The following DNER variants were observed in gnomAD, a reference collection of about 807,000 sequenced individuals.
DNER encodes delta and Notch-like epidermal growth factor-related receptor.
In DNER, 33 loss-of-function variants were observed where a neutral mutation model predicts 78.2. That is an observed-to-expected ratio of 0.42 (90% CI 0.32 to 0.56). The LOEUF is 0.56. Ranked by LOEUF, DNER falls within the 20% of genes least tolerant of loss-of-function variation. The probability of loss-of-function intolerance (pLI) is 0.11; values close to 1 mark genes in which losing one functional copy is unlikely to be tolerated. For missense variants in DNER, 918 were observed against 975.3 expected (o/e 0.94, Z 0.78); for synonymous variants, 417 against 384.8 (o/e 1.08, Z -0.98).
chr2:229,500,637 A>G (rs1574871749), intron 6 of DNER, among the ~76,000 whole-genome samples: 1 of 152,218 alleles, frequency 6.6e-6, no homozygotes, highest in Non-Finnish European at 1.5e-5. Flanking sequence ...CAGTCTAAGT[A>G]TCCATCAACA....
chr2:229,536,825 C>T (rs1574890748), intron 5 of DNER, among the ~76,000 whole-genome samples: 1 of 152,214 alleles, frequency 6.6e-6, no homozygotes, highest in African/African-American at 2.4e-5. Context: ...GGGCCACACA[C>T]AGTTCCTGGA....
At chr2:229,711,157 C>T (rs1031315512) in intron 1 of DNER, among the ~76,000 whole-genome samples, 10 of 151,890 alleles carry the variant, frequency 6.6e-5, no homozygotes, top group African/African-American at 2.4e-4. Flanking sequence ...GGGGTTGGGG[C>T]TGGAGTAGCA....
intron 6 of DNER, among the ~76,000 whole-genome samples, chr2:229,480,353 G>A (rs1695130980): frequency 6.6e-6 from 1 of 152,040 alleles, no homozygotes; most frequent in African/African-American, 2.4e-5. Context: ...AGCAAAAGGG[G>A]AGTTTTTTAA....
intron 1 of DNER, among the ~76,000 whole-genome samples, chr2:229,713,487 C>T (rs1051479346): frequency 6.6e-6 from 1 of 152,198 alleles, no homozygotes; most frequent in East Asian, 1.9e-4. Context: ...GAAGGGCGGC[C>T]CTGCCAGCGC....
intron 10 of DNER, among the ~76,000 whole-genome samples, chr2:229,396,304 G>GTTTAGTTTAGTTTAGTTT (rs374036131): frequency 2.2e-4 from 34 of 152,134 alleles, no homozygotes; most frequent in Non-Finnish European, 3.1e-4. Flanking sequence ...TAGTTTACAC[G>GTTTAGTTTAGTTTAGTTT]ACTTTAGTAA....
At chr2:229,548,931 A>G (rs1559163658) in intron 4 of DNER, among the ~76,000 whole-genome samples, 1 of 152,190 alleles carries the variant, frequency 6.6e-6, no homozygotes, top group Non-Finnish European at 1.5e-5. Context: ...AAAAAAAGAC[A>G]GTAGACAAGA....
At chr2:229,539,672 GT>G (rs1696475858) in intron 5 of DNER, among the ~76,000 whole-genome samples, 1 of 152,168 alleles carries the variant, frequency 6.6e-6, no homozygotes, top group Admixed American at 6.5e-5. Flanking sequence ...TTGATAGACA[GT>G]TCCTGAGCAT....
intron 1 of DNER, among the ~76,000 whole-genome samples, chr2:229,612,127 TA>T (rs1404287823): frequency 6.6e-6 from 1 of 152,222 alleles, no homozygotes; most frequent in Admixed American, 6.5e-5. Flanking sequence ...CTTAAGGAGT[TA>T]AAGTAACTTC....
At chr2:229,445,607 G>A (rs1261166744) in intron 8 of DNER, among the ~76,000 whole-genome samples, 1 of 152,196 alleles carries the variant, frequency 6.6e-6, no homozygotes, top group South Asian at 2.1e-4. Flanking sequence ...CCAAACAGCT[G>A]AGGACCTTAA....
chr2:229,439,401 C>T (rs1358528284), intron 8 of DNER, among the ~76,000 whole-genome samples: 1 of 152,208 alleles, frequency 6.6e-6, no homozygotes, highest in Non-Finnish European at 1.5e-5. Flanking sequence ...TGTATCATTT[C>T]ATTTGAGCTT....
At chr2:229,634,344 T>A (rs1687376730) in intron 1 of DNER, among the ~76,000 whole-genome samples, 2 of 152,112 alleles carry the variant, frequency 1.3e-5, no homozygotes, top group Admixed American at 6.5e-5. Context: ...AGGAGGAAAT[T>A]GAGAGGCAGT....
chr2:229,537,696 T>C (rs1005051326), intron 5 of DNER, among the ~76,000 whole-genome samples: 37 of 152,318 alleles, frequency 2.4e-4, no homozygotes, highest in African/African-American at 7.7e-4. Flanking sequence ...CCTTCTGAAA[T>C]AGAAACATGA....
intron 6 of DNER, among the ~76,000 whole-genome samples, chr2:229,496,915 A>G (rs183349474): frequency 7.3e-4 from 111 of 152,302 alleles, no homozygotes; most frequent in Middle Eastern, 3.4e-3. Flanking sequence ...AATCAATAAG[A>G]AAACACCAGA....
chr2:229,541,879 T>TTTATATGTATATATAAATTATATTTA (rs1696521059), intron 5 of DNER, among the ~76,000 whole-genome samples: 1 of 114,730 alleles, frequency 8.7e-6, no homozygotes, highest in African/African-American at 3.5e-5. Context: ...ATATTTATAT[T>TTTATATGTATATATAAATTATATTTA]TATTTATATG....
At chr2:229,610,306 TCA>T (rs1431416625) in intron 1 of DNER, among the ~76,000 whole-genome samples, 3 of 152,168 alleles carry the variant, frequency 2.0e-5, no homozygotes, top group African/African-American at 7.2e-5. Flanking sequence ...CTCAACGGCC[TCA>T]CAGCGCATGG....
intron 1 of DNER, among the ~76,000 whole-genome samples, chr2:229,683,826 A>T (rs1034777568): frequency 2.6e-5 from 4 of 151,904 alleles, no homozygotes; most frequent in Non-Finnish European, 1.5e-5. Context: ...CAAAGTAGGG[A>T]TGGGGGCTGG....
intron 12 of DNER, among the ~76,000 whole-genome samples, chr2:229,363,565 T>C (rs1692263760): frequency 6.6e-6 from 1 of 152,222 alleles, no homozygotes; most frequent in South Asian, 2.1e-4. Context: ...AGTATTGTTT[T>C]AATGTCAATA....
At chr2:229,465,041 A>C (rs10439280) in intron 7 of DNER, among the ~76,000 whole-genome samples, 110,415 of 152,056 alleles carry the variant, frequency 0.73, 40,316 homozygotes, top group South Asian at 0.83. Context: ...AAAGACCTAG[A>C]ACCAGAAGTA....
chr2:229,411,825 G>T lies in DNER; in HGVS notation c.1610-4480C>A, dbSNP rs531069431. Among the ~76,000 whole-genome samples, 54 of 152,202 alleles carry T rather than the reference G, an allele frequency of 3.5e-4. 1 individual carries two copies. In the South Asian group the frequency reaches 0.011, roughly 30 times the overall value. On this transcript the variant is annotated intron_variant, in intron 9 of 12. Transcript: ENST00000341772. ...AATCAAACATAATATCCTATTATGA[G>T]TGAGCAGAACAATATAAAATTGTAG...
Sources: gnomAD v4.1 joint callset for allele counts (sites outside exome capture counted in the v4.1 genomes callset) on GRCh38, gnomAD v4.1.1 for gene constraint, MANE v1.5 for transcripts, NCBI Gene and HGNC (gene_info 2026-07-23, HGNC 2026-07-21) for gene names.